Variants in NBEA observed in about 807,000 individuals in gnomAD.
NBEA encodes neurobeachin.
NBEA carries 44 observed loss-of-function variants against 343.4 expected under a neutral mutation model. The ratio of observed to expected loss-of-function variants is 0.13; its 90% CI spans 0.10 to 0.16. NBEA has a LOEUF of 0.16. Ranked by LOEUF, NBEA falls within the 10% of genes least tolerant of loss-of-function variation. The probability of loss-of-function intolerance (pLI) is 1.00; values close to 1 mark genes in which losing one functional copy is unlikely to be tolerated. For synonymous variants in NBEA, 1,175 were observed against 1,238.7 expected, an observed-to-expected ratio of 0.95 and a Z score of 1.08; for missense variants, 2,555 against 3,631.3, an observed-to-expected ratio of 0.70 and a Z score of 7.62.
chr13:35,214,784 A>G (rs2073971944), intron 33 of NBEA, among the ~76,000 whole-genome samples: 2 of 151,840 alleles, frequency 1.3e-5, no homozygotes, highest in South Asian at 4.2e-4. Context: ...AGTCATGTAG[A>G]TATTCTACTA....
chr13:34,995,282 A>G (rs2060900406), intron 1 of NBEA, among the ~76,000 whole-genome samples: 1 of 152,126 alleles, frequency 6.6e-6, no homozygotes, highest in South Asian at 2.1e-4. Context: ...GTGAAACCCC[A>G]TCTGTATGAA....
At chr13:35,339,856 A>G (rs2039484326) in intron 36 of NBEA, among the ~76,000 whole-genome samples, 4 of 152,092 alleles carry the variant, frequency 2.6e-5, no homozygotes, top group Admixed American at 2.6e-4. Context: ...AACCACCACC[A>G]TGATCCAGTC....
chr13:34,944,694 CTG>C (rs2059135586), intron 1 of NBEA, among the ~76,000 whole-genome samples: 1 of 152,074 alleles, frequency 6.6e-6, no homozygotes, highest in Non-Finnish European at 1.5e-5. Context: ...AAATCTCAAA[CTG>C]TTAGTATGTT....
intron 48 of NBEA, among the ~76,000 whole-genome samples, chr13:35,611,265 G>T (rs1343305119): frequency 6.6e-6 from 1 of 151,954 alleles, no homozygotes; most frequent in Non-Finnish European, 1.5e-5. Flanking sequence ...ATCAAAAGCT[G>T]GAAACTACCC....
At chr13:35,008,365 C>T (rs1266894963) in intron 1 of NBEA, among the ~76,000 whole-genome samples, 1 of 152,120 alleles carries the variant, frequency 6.6e-6, no homozygotes, top group Non-Finnish European at 1.5e-5. Context: ...TTACATATAA[C>T]CTATGCATAT....
At chr13:35,447,459 T>G (rs948619835) in intron 39 of NBEA, among the ~76,000 whole-genome samples, 1 of 151,838 alleles carries the variant, frequency 6.6e-6, no homozygotes, top group Non-Finnish European at 1.5e-5. Context: ...TGCAATATTC[T>G]GTATTACATA....
chr13:35,118,911 G>A (rs1197313926), intron 16 of NBEA, among the ~76,000 whole-genome samples: 1 of 151,814 alleles, frequency 6.6e-6, no homozygotes, highest in African/African-American at 2.4e-5. Flanking sequence ...TTTTGAGTAG[G>A]GGAAATGTTG....
In NBEA at chr13:35,515,353, CAA is replaced by C. The variant is rs141663257; in HGVS notation, c.6586-35122_6586-35121del. Among the ~76,000 whole-genome samples, 242 of 152,236 alleles carry C rather than the reference CAA, an allele frequency of 1.6e-3. 10 individuals are homozygous for C. The East Asian group carries it at 0.044, about 28-fold the overall frequency. ...CAGAGCTGCATTTTAATGCATCTGG[CAA>C]AGAGTAGGATACTGACAAGGCACTT... On this transcript the variant is annotated intron_variant, in intron 41 of 58. Transcript: ENST00000379939.
intron 1 of NBEA, among the ~76,000 whole-genome samples, chr13:34,992,090 G>A (rs907309652): frequency 2.0e-5 from 3 of 148,560 alleles, no homozygotes; most frequent in Non-Finnish European, 1.5e-5. Flanking sequence ...TTGATTTACA[G>A]GTATTTGGCT....
At chr13:35,497,355 G>T (rs1262499130) in intron 41 of NBEA, among the ~76,000 whole-genome samples, 1 of 152,078 alleles carries the variant, frequency 6.6e-6, no homozygotes, top group Non-Finnish European at 1.5e-5. Context: ...TGTTACTGGA[G>T]AGTGGAATTT....
At chr13:35,256,581 G>A (rs1477865153) in intron 34 of NBEA, among the ~76,000 whole-genome samples, 1 of 152,110 alleles carries the variant, frequency 6.6e-6, no homozygotes, top group African/African-American at 2.4e-5. Context: ...TGATATCCAT[G>A]GCACCCAGGC....
At chr13:35,417,394 C>T (rs1678262721) in intron 38 of NBEA, among the ~76,000 whole-genome samples, 1 of 152,098 alleles carries the variant, frequency 6.6e-6, no homozygotes, top group African/African-American at 2.4e-5. Context: ...TTTCCCTCTA[C>T]ACACCGCTTT....
intron 38 of NBEA, among the ~76,000 whole-genome samples, chr13:35,387,008 T>C (rs895251683): frequency 1.3e-5 from 2 of 152,126 alleles, no homozygotes. Flanking sequence ...TTCACTGAAG[T>C]AGTGATTTTT....
At chr13:35,247,833 T>G (rs1165572422) in intron 34 of NBEA, among the ~76,000 whole-genome samples, 2 of 152,128 alleles carry the variant, frequency 1.3e-5, no homozygotes, top group Non-Finnish European at 2.9e-5. Context: ...ATAGTTTATT[T>G]TATTAAAAAG....
Position 35,223,915 on chromosome 13 carries a change from G to A in NBEA, c.5649-8577G>A, listed in dbSNP as rs73491655. Among the ~76,000 whole-genome samples the A allele has an allele frequency of 6.4e-3, 975 of 152,240 alleles. 11 individuals carry two copies. The highest frequency in any genetic ancestry group is 0.022 in the African/African-American group (934 of 41,556). ...CTTATTGGAGACTCTGTTAGAAAATGAGCTTCCAGGCTCACTCAGGTTATT... is the reference window on the plus strand; with the variant it reads ...CTTATTGGAGACTCTGTTAGAAAATAAGCTTCCAGGCTCACTCAGGTTATT... On this transcript the variant is annotated intron_variant, in intron 33 of 58. Transcript: ENST00000379939.
rs2034700126 is a variant in NBEA at position 35,277,645 on chromosome 13, A to AGGG, written c.5777-12744_5777-12743insGGG. Among the ~76,000 whole-genome samples the AGGG allele has an allele frequency of 4.1e-5, 6 of 146,214 alleles. 1 individual carries two copies. The highest frequency in any genetic ancestry group is 1.5e-4 in the African/African-American group (6 of 38,728). ...TCCAAAAAAAAAAAAAAAAAAAAAA[A>AGGG]AAAGTGGGGGAAACAACATATGTAT... On this transcript the variant is annotated intron_variant, in intron 34 of 58. Transcript: ENST00000379939.
At chr13:35,213,859 A>C (rs1001015722) in intron 33 of NBEA, among the ~76,000 whole-genome samples, 1 of 151,974 alleles carries the variant, frequency 6.6e-6, no homozygotes, top group African/African-American at 2.4e-5. Flanking sequence ...AAGATGTAGA[A>C]TATACCCATC....
At position 35,045,230 on chromosome 13, in the gene NBEA, C is replaced by T. The variant is rs572525003; in HGVS notation, c.628-76C>T. ...TTTTCTCTCTAGTTAGAAAACAGTC[C>T]AATGGGTAACATGGTATATTAAGTA... On this transcript the variant is annotated intron_variant, in intron 3 of 58. Transcript: ENST00000379939. 150 of 1,273,178 alleles carry T rather than the reference C, an allele frequency of 1.2e-4. 2 individuals carry two copies. The Middle Eastern group carries it at 8.7e-3, about 74-fold the overall frequency. The allele number at this position is 1,273,178 out of a possible 1,614,324, so 78.9% of individuals were successfully genotyped here.
intron 55 of NBEA, among the ~76,000 whole-genome samples, chr13:35,658,017 A>G (rs1449127514): frequency 6.6e-6 from 1 of 152,170 alleles, no homozygotes; most frequent in Non-Finnish European, 1.5e-5. Context: ...ATGGCTAACT[A>G]TCAATTGTAG....
Sources: allele counts gnomAD v4.1 joint callset (sites outside exome capture counted in the v4.1 genomes callset), GRCh38; gene constraint gnomAD v4.1.1; transcripts MANE v1.5; gene names NCBI Gene and HGNC (gene_info 2026-07-23, HGNC 2026-07-21).